PALM2AKAP2: variants seen among roughly 807,000 people sequenced by gnomAD.
The protein encoded by PALM2AKAP2 is PALM2-AKAP2 fusion protein.
In PALM2AKAP2, 37 loss-of-function variants were observed where a neutral mutation model predicts 71.5. The ratio of observed to expected loss-of-function variants is 0.52; its 90% confidence interval spans 0.40 to 0.68. PALM2AKAP2 has a LOEUF of 0.68. Among genes scored for constraint, PALM2AKAP2 ranks in the 30% least tolerant of loss-of-function variants. PALM2AKAP2 has a pLI of 0.00. For missense variants in PALM2AKAP2, 1,224 were observed against 1,191.8 expected (o/e 1.03, Z -0.40); for synonymous variants, 468 against 478.8 (o/e 0.98, Z 0.29).
At chr9:109,879,380 T>C (rs1375134391) in intron 2 of PALM2AKAP2, among the ~76,000 whole-genome samples, 4 of 152,208 alleles carry the variant, frequency 2.6e-5, no homozygotes, top group Non-Finnish European at 5.9e-5. Context: ...GTGCCCTGCA[T>C]CCTCACTGTG....
intron 1 of PALM2AKAP2, among the ~76,000 whole-genome samples, chr9:110,099,531 G>A (rs1834941124): frequency 6.6e-6 from 1 of 152,186 alleles, no homozygotes; most frequent in Admixed American, 6.5e-5. Flanking sequence ...TCCCTAAGAT[G>A]AACTTGAAGC....
chr9:109,952,089 G>T (rs529386185), intron 6 of PALM2AKAP2, among the ~76,000 whole-genome samples: 15 of 152,336 alleles, frequency 9.8e-5, no homozygotes, highest in Admixed American at 2.6e-4. Context: ...TGGCCAGATA[G>T]TTTTGGCTTT....
chr9:109,952,284 G>A (rs947403291), intron 6 of PALM2AKAP2, among the ~76,000 whole-genome samples: 32 of 152,262 alleles, frequency 2.1e-4, no homozygotes, highest in African/African-American at 7.2e-4. Context: ...CTGGTCCATA[G>A]TAAGTGCTCC....
At chr9:110,062,879 G>A (rs1412645027) in intron 1 of PALM2AKAP2, among the ~76,000 whole-genome samples, 1 of 152,088 alleles carries the variant, frequency 6.6e-6, no homozygotes, top group African/African-American at 2.4e-5. Context: ...AAATAAGATG[G>A]CTACAAGATG....
At chr9:110,012,474 G>A (rs1460377354) in intron 6 of PALM2AKAP2, among the ~76,000 whole-genome samples, 3 of 152,018 alleles carry the variant, frequency 2.0e-5, no homozygotes, top group Admixed American at 6.6e-5. Context: ...GGTCCATAGA[G>A]TTGCTTTGTT....
chr9:109,872,450 T>C (rs10980105), intron 2 of PALM2AKAP2, among the ~76,000 whole-genome samples: 112,177 of 151,972 alleles, frequency 0.74, 41,540 homozygotes, highest in Admixed American at 0.78. Context: ...CCTTGGAGAC[T>C]GTCATATTTA....
At chr9:110,014,242 A>AT (rs1255447845) in intron 6 of PALM2AKAP2, among the ~76,000 whole-genome samples, 2 of 152,140 alleles carry the variant, frequency 1.3e-5, no homozygotes, top group African/African-American at 2.4e-5. Flanking sequence ...AGAGAAAAGT[A>AT]TTTTTTTAGG....
At chr9:110,115,000 G>T (rs528500760) in intron 1 of PALM2AKAP2, among the ~76,000 whole-genome samples, 17 of 152,130 alleles carry the variant, frequency 1.1e-4, no homozygotes, top group Non-Finnish European at 1.8e-4. Flanking sequence ...ACTGCTCCCC[G>T]TATCCCTGCT....
intron 1 of PALM2AKAP2, among the ~76,000 whole-genome samples, chr9:110,124,569 AT>A (rs1343200445): frequency 6.6e-6 from 1 of 152,210 alleles, no homozygotes; most frequent in Non-Finnish European, 1.5e-5. Context: ...AGTGGGTGTT[AT>A]CAGGCAGGGG....
rs573117743 is a variant in PALM2AKAP2, at chr9:109,799,576, C to T, written c.45+19043C>T. On this transcript the variant is annotated intron_variant, in intron 1 of 9. Transcript: ENST00000302798. ...TGGCACGACCATTACTCACTGCAGTCTTGACCACCTGCGCTCAAGTGATCC... is the reference window on the plus strand; with the variant it reads ...TGGCACGACCATTACTCACTGCAGTTTTGACCACCTGCGCTCAAGTGATCC... Among the ~76,000 whole-genome samples, 178 of 152,322 alleles carry T rather than the reference C, an allele frequency of 1.2e-3. 1 individual carries two copies. Among genetic ancestry groups the T allele is most frequent in the Non-Finnish European group, 1.9e-3 (131 of 68,028 alleles).
At chr9:110,136,480 T>C (rs768230477) in exon 2 of PALM2AKAP2, 2 of 1,614,124 alleles carry the variant, frequency 1.2e-6, no homozygotes, top group East Asian at 2.2e-5. Context: ...CCCCAGAGCC[T>C]GGTGCAGTGG....
chr9:109,743,918 T>A (rs1356020240), intron 1 of PALM2AKAP2, among the ~76,000 whole-genome samples: 2 of 152,210 alleles, frequency 1.3e-5, no homozygotes, highest in Admixed American at 1.3e-4. Flanking sequence ...TTGCTCTTTT[T>A]TTCTTATTGA....
intron 7 of PALM2AKAP2, among the ~76,000 whole-genome samples, chr9:110,035,676 ATATATAACATATATAGGATATGTTGTG>A (rs1293826532): frequency 8.3e-6 from 1 of 120,380 alleles, no homozygotes; most frequent in Non-Finnish European, 1.6e-5. Flanking sequence ...GTTGTGTGTT[ATATATAACATATATAGGATATGTTGTG>A]TGTTATATAT....
chr9:109,656,182 G>T (rs889368242), intron 1 of PALM2AKAP2, among the ~76,000 whole-genome samples: 5 of 152,190 alleles, frequency 3.3e-5, no homozygotes, highest in African/African-American at 1.2e-4. Flanking sequence ...AGGAAGGAGA[G>T]CTCCAGGCAA....
intron 2 of PALM2AKAP2, among the ~76,000 whole-genome samples, chr9:110,153,454 C>T (rs933421594): frequency 6.6e-6 from 1 of 152,226 alleles, no homozygotes; most frequent in Non-Finnish European, 1.5e-5. Flanking sequence ...CCGCTTGTTA[C>T]TCCAAAGCCA....
At chr9:109,965,906 G>C (rs1297779989) in intron 6 of PALM2AKAP2, among the ~76,000 whole-genome samples, 6 of 152,178 alleles carry the variant, frequency 3.9e-5, no homozygotes, top group Non-Finnish European at 7.4e-5. Flanking sequence ...TTGCCAAGGA[G>C]GTGGGATTTG....
At chr9:109,879,125 C>T (rs1829784750) in intron 2 of PALM2AKAP2, among the ~76,000 whole-genome samples, 1 of 152,192 alleles carries the variant, frequency 6.6e-6, no homozygotes, top group Admixed American at 6.5e-5. Context: ...ATTGTGCATC[C>T]TTCGCTCATA....
chr9:109,703,840 A>G (rs984750427), intron 1 of PALM2AKAP2, among the ~76,000 whole-genome samples: 1 of 152,108 alleles, frequency 6.6e-6, no homozygotes, highest in Admixed American at 6.6e-5. Flanking sequence ...TACAGAGGAC[A>G]TTAGTTTATG....
At chr9:110,060,712 C>T (rs964481345) in intron 1 of PALM2AKAP2, among the ~76,000 whole-genome samples, 5 of 152,196 alleles carry the variant, frequency 3.3e-5, no homozygotes, top group African/African-American at 2.4e-5. Context: ...AGCCATTCTC[C>T]TGCCTCAGCC....
Sources: gnomAD v4.1 joint callset for allele counts (sites outside exome capture counted in the v4.1 genomes callset) on GRCh38, gnomAD v4.1.1 for gene constraint, MANE v1.5 for transcripts, NCBI Gene and HGNC (gene_info 2026-07-23, HGNC 2026-07-21) for gene names.